Variants in HACD2 observed in about 807,000 individuals in gnomAD.
HACD2 encodes 3-hydroxyacyl-CoA dehydratase 2.
Under a neutral mutation model 31.0 loss-of-function variants are expected in HACD2, and 15 were observed. That is an observed-to-expected ratio of 0.48 (90% CI 0.32 to 0.75). The LOEUF (loss-of-function observed/expected upper bound fraction) is 0.75, where lower values mean the gene tolerates loss of function less well. Among genes scored for constraint, HACD2 ranks in the 30% least tolerant of loss-of-function variants. The probability of loss-of-function intolerance (pLI) is 0.03; values close to 1 mark genes in which losing one functional copy is unlikely to be tolerated. For synonymous variants in HACD2, 115 were observed against 122.2 expected (o/e 0.94, Z 0.39); for missense variants, 283 against 313.0 (o/e 0.90, Z 0.72).
chr3:123,510,932 G>GTT (rs67094405), intron 4 of HACD2, among the ~76,000 whole-genome samples: 1 of 142,606 alleles, frequency 7.0e-6, no homozygotes, highest in Non-Finnish European at 1.5e-5. Context: ...CATTTGCTGT[G>GTT]TTTTTTTTTT....
chr3:123,509,153 A>G (rs1468936164), intron 4 of HACD2, among the ~76,000 whole-genome samples: 2 of 152,112 alleles, frequency 1.3e-5, no homozygotes. Flanking sequence ...TAGTTAGTAA[A>G]TAATTTAGGG....
intron 3 of HACD2, among the ~76,000 whole-genome samples, chr3:123,557,791 G>C (rs1044517265): frequency 6.6e-6 from 1 of 152,240 alleles, no homozygotes; most frequent in African/African-American, 2.4e-5. Flanking sequence ...AAACGCAGCA[G>C]AGGATGTGGA....
chr3:123,548,606 G>C (rs1019696741), intron 3 of HACD2, among the ~76,000 whole-genome samples: 2 of 152,092 alleles, frequency 1.3e-5, no homozygotes, highest in African/African-American at 4.8e-5. Flanking sequence ...ACAACACGCA[G>C]AACCTTTTAT....
At chr3:123,556,374 C>A (rs1301876434) in intron 3 of HACD2, among the ~76,000 whole-genome samples, 1 of 150,774 alleles carries the variant, frequency 6.6e-6, no homozygotes, top group Admixed American at 6.7e-5. Context: ...CAGATCAAGG[C>A]TGCAGCGAGC....
chr3:123,501,359 T>C lies in HACD2; in HGVS notation c.504-666A>G, dbSNP rs370157594. ...CTCTTTAAAAAGGAGTTCTCCATATTCCACAAAGAATTCAGAGAGCAGTCA... is the reference window on the plus strand; with the variant it reads ...CTCTTTAAAAAGGAGTTCTCCATATCCCACAAAGAATTCAGAGAGCAGTCA... On this transcript the variant is annotated intron_variant, in intron 5 of 6. Coordinates refer to ENST00000383657, the MANE Select transcript of HACD2 (RefSeq NM_198402.5). 2.3e-3 allele frequency among the ~76,000 whole-genome samples: 343 copies of C among 152,312 alleles called. 1 individual carries two copies. Among genetic ancestry groups the C allele is most frequent in the Middle Eastern group, 0.01 (3 of 294 alleles).
At chr3:123,543,349 A>G (rs552306013) in intron 3 of HACD2, among the ~76,000 whole-genome samples, 89 of 152,308 alleles carry the variant, frequency 5.8e-4, no homozygotes, top group African/African-American at 2.1e-3. Context: ...ACACACTTTC[A>G]CTGGTCTTCT....
chr3:123,583,450 A>G (rs2056987005), intron 1 of HACD2, among the ~76,000 whole-genome samples: 1 of 152,192 alleles, frequency 6.6e-6, no homozygotes, highest in Non-Finnish European at 1.5e-5. Flanking sequence ...AAATCAATCT[A>G]TGTGACCACT....
intron 6 of HACD2, among the ~76,000 whole-genome samples, chr3:123,497,390 G>A (rs912438993): frequency 1.3e-5 from 2 of 152,100 alleles, no homozygotes; most frequent in African/African-American, 4.8e-5. Context: ...GGTGCTGCTG[G>A]GCCCTCCTTT....
chr3:123,546,781 G>A (rs2056564683), intron 3 of HACD2, among the ~76,000 whole-genome samples: 1 of 152,130 alleles, frequency 6.6e-6, no homozygotes, highest in Non-Finnish European at 1.5e-5. Context: ...GAATCTGGGT[G>A]GACTTAAGAA....
intron 3 of HACD2, among the ~76,000 whole-genome samples, chr3:123,537,369 C>T (rs1434980817): frequency 6.6e-6 from 1 of 152,060 alleles, no homozygotes; most frequent in African/African-American, 2.4e-5. Flanking sequence ...GTGTTTGAGA[C>T]CAGCCTGGAT....
At chr3:123,504,748 C>A (rs1375580761) in intron 4 of HACD2, among the ~76,000 whole-genome samples, 1 of 152,144 alleles carries the variant, frequency 6.6e-6, no homozygotes, top group Non-Finnish European at 1.5e-5. Context: ...ACTAGGGATG[C>A]AGGAAATGAC....
chr3:123,549,634 C>T (rs1214257006), intron 3 of HACD2, among the ~76,000 whole-genome samples: 1 of 151,992 alleles, frequency 6.6e-6, no homozygotes. Flanking sequence ...TGTGGTCACA[C>T]CTACTTGGGA....
chr3:123,514,750 C>T (rs1290623672), intron 4 of HACD2, among the ~76,000 whole-genome samples: 2 of 152,076 alleles, frequency 1.3e-5, no homozygotes, highest in African/African-American at 2.4e-5. Flanking sequence ...AGTTATAAGG[C>T]AAAATCAAAT....
intron 3 of HACD2, among the ~76,000 whole-genome samples, chr3:123,534,573 C>T (rs140030295): frequency 6.6e-6 from 1 of 151,930 alleles, no homozygotes; most frequent in East Asian, 1.9e-4. Flanking sequence ...TATGTATTTA[C>T]TATACTATAA....
chr3:123,520,572 T>C (rs867874119), intron 4 of HACD2, among the ~76,000 whole-genome samples: 8 of 152,248 alleles, frequency 5.3e-5, no homozygotes, highest in Non-Finnish European at 8.8e-5. Flanking sequence ...GAAAGTTCTA[T>C]TGGACAGTGC....
intron 3 of HACD2, among the ~76,000 whole-genome samples, chr3:123,557,706 G>A (rs1466843539): frequency 6.6e-6 from 1 of 152,142 alleles, no homozygotes; most frequent in Non-Finnish European, 1.5e-5. Context: ...ATTAAAAGAT[G>A]CTCTACGTCA....
At chr3:123,521,344 G>A (rs2056211965) in intron 4 of HACD2, among the ~76,000 whole-genome samples, 1 of 152,172 alleles carries the variant, frequency 6.6e-6, no homozygotes, top group South Asian at 2.1e-4. Flanking sequence ...CAAGCCTGAA[G>A]GGACTGGTGT....
At chr3:123,580,342 A>C (rs1426657669) in intron 2 of HACD2, among the ~76,000 whole-genome samples, 1 of 152,094 alleles carries the variant, frequency 6.6e-6, no homozygotes. Context: ...CAGGCACGGT[A>C]GTGCACGCCT....
chr3:123,551,297 C>T (rs540921446), intron 3 of HACD2, among the ~76,000 whole-genome samples: 18 of 152,164 alleles, frequency 1.2e-4, no homozygotes, highest in Admixed American at 3.9e-4. Context: ...GTCAGTGCCA[C>T]GCCTGCCACC....
Sources: gnomAD v4.1 joint callset for allele counts (sites outside exome capture counted in the v4.1 genomes callset) on GRCh38, gnomAD v4.1.1 for gene constraint, MANE v1.5 for transcripts, NCBI Gene and HGNC (gene_info 2026-07-23, HGNC 2026-07-21) for gene names.